TUFT1: variants seen among roughly 807,000 people sequenced by gnomAD.
The protein encoded by TUFT1 is tuftelin.
A neutral mutation model predicts 57.8 loss-of-function variants in TUFT1; 43 were observed. The observed-to-expected ratio is 0.74, with a 90% CI of 0.58 to 0.96. The LOEUF (loss-of-function observed/expected upper bound fraction) is 0.96. Ranked by LOEUF, TUFT1 falls within the 40% of genes least tolerant of loss-of-function variation. The pLI, the probability that TUFT1 is intolerant of heterozygous loss-of-function variation, is 0.00. For synonymous variants in TUFT1, 166 were observed against 176.7 expected, an observed-to-expected ratio of 0.94 and a Z score of 0.48; for missense variants, 459 against 489.0, an observed-to-expected ratio of 0.94 and a Z score of 0.58.
At chr1:151,574,511 C>T in intron 8 of TUFT1, 113 bp downstream of exon 8, 2 of 1,364,982 alleles carry the variant, frequency 1.5e-6, no homozygotes, top group Non-Finnish European at 2.0e-6. Flanking sequence ...CAGAAAAGCA[C>T]ACTTCGCACC....
At chr1:151,550,965 G>A (rs569497541) in intron 1 of TUFT1, among the ~76,000 whole-genome samples, 1 of 152,280 alleles carries the variant, frequency 6.6e-6, no homozygotes, top group Non-Finnish European at 1.5e-5. Context: ...TTTCTTGTCA[G>A]TGGGCCATCT....
intron 1 of TUFT1, 184 bp from the exon 2 acceptor site, chr1:151,561,907 C>T: frequency 6.6e-7 from 1 of 1,515,640 alleles, no homozygotes; most frequent in Non-Finnish European, 8.9e-7. Context: ...AGAGTCACCA[C>T]CCCAAACACC....
At chr1:151,561,640 G>A (rs1401672137) in intron 1 of TUFT1, 1 of 1,184,236 alleles carries the variant, frequency 8.4e-7, no homozygotes, top group African/African-American at 1.6e-5. Flanking sequence ...TTGAATTCAG[G>A]TACTTTCCTA....
At chr1:151,561,583 C>A (rs192785579) in intron 1 of TUFT1, 1 of 1,182,426 alleles carries the variant, frequency 8.5e-7, no homozygotes, top group African/African-American at 1.6e-5. Flanking sequence ...TATTATCTTG[C>A]CTGTTTTCAC....
At chr1:151,577,008 A>G (rs1666488809) in intron 9 of TUFT1, among the ~76,000 whole-genome samples, 1 of 152,136 alleles carries the variant, frequency 6.6e-6, no homozygotes, top group Non-Finnish European at 1.5e-5. Context: ...TCCTGGGCTC[A>G]AGCAATCCTC....
intron 2 of TUFT1, 39 bp from the exon 3 acceptor site, chr1:151,562,544 ATC>A (rs34211422): frequency 0.066 from 80,783 of 1,228,826 alleles, no homozygotes; most frequent in East Asian, 0.18. Flanking sequence ...TGTCTGAGCC[ATC>A]TCTCTCTCTC....
chr1:151,541,089 C>T (rs927520265), intron 1 of TUFT1, among the ~76,000 whole-genome samples: 1 of 152,130 alleles, frequency 6.6e-6, no homozygotes, highest in African/African-American at 2.4e-5. Context: ...TCTTGTTTTC[C>T]TCCCTCTATC....
At chr1:151,553,811 A>G (rs1371368196) in intron 1 of TUFT1, among the ~76,000 whole-genome samples, 1 of 150,116 alleles carries the variant, frequency 6.7e-6, no homozygotes, top group Non-Finnish European at 1.5e-5. Flanking sequence ...TCTGCTGAAC[A>G]CTTCGTATTT....
Position 151,574,952 on chromosome 1 carries a change from G to A in TUFT1, c.765G>A (p.Val255=), listed in dbSNP as rs200765668. The change falls in exon 9 of 13, where the codon GTG becomes GTA. Residue 255 remains valine (V), a synonymous_variant. Coordinates refer to ENST00000368849, the MANE Select transcript of TUFT1 (RefSeq NM_020127.3). ...ALLAKVREGE[V]ALEELRSNNA... ...TGGCGAAAGTGAGGGAAGGGGAGGT[G>A]GCCCTAGAGGAACTTCGGAGCAACA... The A allele has an allele frequency of 6.3e-7, 1 of 1,578,024 alleles. No individual in the cohort carries two copies. The highest frequency in any genetic ancestry group is 8.6e-7 in the Non-Finnish European group (1 of 1,161,542).
intron 1 of TUFT1, among the ~76,000 whole-genome samples, chr1:151,555,883 C>T (rs1665680706): frequency 6.6e-6 from 1 of 151,732 alleles, no homozygotes; most frequent in African/African-American, 2.4e-5. Context: ...TAACATCTTG[C>T]AAAACTGTGG....
Position 151,556,334 on chromosome 1 carries a change from C to T in TUFT1, c.61-5757C>T, listed in dbSNP as rs189630906. Among the ~76,000 whole-genome samples, 106 of 151,394 alleles carry T rather than the reference C, an allele frequency of 7.0e-4. 1 individual carries two copies. In the East Asian group the frequency reaches 0.015, roughly 21 times the overall value. On this transcript the variant is annotated intron_variant, in intron 1 of 12. Transcript: ENST00000368849. ...CCTTTCCCCTTTCCCCTTCCCTTCCCTTTCCTTCCTTTTCCCTTTCCCTCC... is the reference window on the plus strand; with the variant it reads ...CCTTTCCCCTTTCCCCTTCCCTTCCTTTTCCTTCCTTTTCCCTTTCCCTCC...
intron 7 of TUFT1, among the ~76,000 whole-genome samples, chr1:151,571,607 T>C (rs1354292024): frequency 6.6e-6 from 1 of 152,142 alleles, no homozygotes; most frequent in African/African-American, 2.4e-5. Flanking sequence ...GATGTATCAG[T>C]TGGTGACCAG....
chr1:151,553,049 CT>C (rs1216195304), intron 1 of TUFT1, among the ~76,000 whole-genome samples: 1 of 152,038 alleles, frequency 6.6e-6, no homozygotes, highest in Non-Finnish European at 1.5e-5. Context: ...AGGGCCCTCT[CT>C]GGAATGGGGG....
chr1:151,574,436 T>G, intron 8 of TUFT1, 38 bp downstream of exon 8: 1 of 1,612,148 alleles, frequency 6.2e-7, no homozygotes, highest in South Asian at 1.1e-5. Flanking sequence ...CCTGGACTCC[T>G]GGGCTGGAAG....
chr1:151,580,106 A>G (rs1187023921), intron 11 of TUFT1, among the ~76,000 whole-genome samples: 5 of 152,130 alleles, frequency 3.3e-5, no homozygotes, highest in African/African-American at 1.2e-4. Flanking sequence ...CCAGGGCTAG[A>G]TTACGTAACG....
In TUFT1 at chr1:151,566,232, G is replaced by A; in HGVS notation, c.480+4G>A. On this transcript the variant is annotated splice_donor_region_variant and intron_variant, in intron 6 of 12. Transcript: ENST00000368849. ...CCTGTACAGCAGCCCACCTGAGGTA[G>A]GTAACAGAGGACACCATGGTGGCTC... 6.2e-7 allele frequency: 1 copy of A among 1,609,370 alleles called. No individual in the cohort carries two copies. Among genetic ancestry groups the A allele is most frequent in the Non-Finnish European group, 8.5e-7 (1 of 1,178,102 alleles).
chr1:151,562,763 T>A, intron 3 of TUFT1, 77 bp downstream of exon 3: 1 of 1,305,798 alleles, frequency 7.7e-7, no homozygotes. Flanking sequence ...CAGTTGATGT[T>A]GTTGCCAAAG....
At chr1:151,565,632 A>G (rs1273691933) in intron 5 of TUFT1, among the ~76,000 whole-genome samples, 6 of 152,240 alleles carry the variant, frequency 3.9e-5, no homozygotes, top group Non-Finnish European at 5.9e-5. Flanking sequence ...CCTTGTTTGC[A>G]CAAACCGGCT....
At chr1:151,563,811 A>C (rs1279334530) in intron 3 of TUFT1, 93 bp from the exon 4 acceptor site, 1 of 1,065,434 alleles carries the variant, frequency 9.4e-7, no homozygotes, top group Admixed American at 1.9e-5. Context: ...GGTGGTAACA[A>C]TTTACCCTCC....
Sources: allele counts gnomAD v4.1 joint callset (sites outside exome capture counted in the v4.1 genomes callset), GRCh38; gene constraint gnomAD v4.1.1; transcripts MANE v1.5; gene names NCBI Gene and HGNC (gene_info 2026-07-23, HGNC 2026-07-21).